Variants in ARHGEF9 observed in about 807,000 individuals in gnomAD.
ARHGEF9 encodes rho guanine nucleotide exchange factor 9.
Under a neutral mutation model 41.3 loss-of-function variants are expected in ARHGEF9, and 2 were observed. The observed-to-expected ratio is 0.05, with a 90% CI of 0.02 to 0.15. The LOEUF is 0.15. ARHGEF9 is among the 10% of genes least tolerant of loss of function. The pLI is 1.00. For synonymous variants in ARHGEF9, 160 were observed against 154.4 expected, an observed-to-expected ratio of 1.04 and a Z score of -0.27; for missense variants, 225 against 424.7, an observed-to-expected ratio of 0.53 and a Z score of 4.13.
chrX:63,704,526 T>G (rs2147496683), intron 3 of ARHGEF9, among the ~76,000 whole-genome samples: 1 of 112,071 alleles, frequency 8.9e-6, no homozygotes, highest in Non-Finnish European at 1.9e-5. Context: ...GGGGGAATTT[T>G]TTTAGCATCA....
chrX:63,647,855 T>C (rs1556318540), intron 8 of ARHGEF9, among the ~76,000 whole-genome samples: 1 of 111,431 alleles, frequency 9.0e-6, no homozygotes, highest in Non-Finnish European at 1.9e-5. Flanking sequence ...TGAATCCGTC[T>C]GGTCCTGGAC....
rs571676380 is a variant in ARHGEF9 at position 63,731,898 on chromosome X, A to C, written c.31-7187T>G. On this transcript the variant is annotated intron_variant, in intron 1 of 9. Coordinates refer to ENST00000671741, the MANE Select transcript of ARHGEF9 (RefSeq NM_001353921.2). ...TTTACATGTCAAGTGACAGACTGGA[A>C]CCATACAGATGACCTCTCAAGTCCC... The C allele has an allele frequency of 1.6e-3, 182 of 111,244 alleles. 1 individual carries two copies. The highest frequency in any genetic ancestry group is 5.7e-3 in the South Asian group (15 of 2,644). 9.2% of individuals were successfully genotyped at this position (111,244 alleles called of 1,213,427 possible).
chrX:63,753,688 C>A (rs782460456), intron 1 of ARHGEF9, among the ~76,000 whole-genome samples: 1 of 111,159 alleles, frequency 9.0e-6, no homozygotes, highest in African/African-American at 3.3e-5. Context: ...CATACTATTT[C>A]ATGATTCCAA....
At chrX:63,749,626 T>C (rs1556438423) in intron 1 of ARHGEF9, among the ~76,000 whole-genome samples, 5 of 112,297 alleles carry the variant, frequency 4.5e-5, no homozygotes. Context: ...CCCAACAATC[T>C]TGCTGACCTT....
intron 2 of ARHGEF9, among the ~76,000 whole-genome samples, chrX:63,721,038 T>C (rs1182378136): frequency 9.0e-6 from 1 of 111,495 alleles, no homozygotes; most frequent in African/African-American, 3.3e-5. Context: ...TTGTCTCAAT[T>C]TGTTTCACTC....
At chrX:63,703,745 CAGAT>C (rs1453898072) in intron 3 of ARHGEF9, among the ~76,000 whole-genome samples, 9 of 111,024 alleles carry the variant, frequency 8.1e-5, no homozygotes, top group African/African-American at 2.6e-4. Context: ...ATAAATGTAA[CAGAT>C]AGAAATAAAG....
intron 8 of ARHGEF9, among the ~76,000 whole-genome samples, chrX:63,651,857 G>C (rs1439828715): frequency 9.1e-6 from 1 of 109,841 alleles, no homozygotes; most frequent in Non-Finnish European, 1.9e-5. Context: ...AATGAGTAAA[G>C]GGTATGAGGC....
intron 3 of ARHGEF9, among the ~76,000 whole-genome samples, chrX:63,697,693 T>C (rs2051848931): frequency 9.0e-6 from 1 of 111,683 alleles, no homozygotes; most frequent in Non-Finnish European, 1.9e-5. Flanking sequence ...ACCAAAGGTC[T>C]TAATAACATT....
At chrX:63,642,491 C>G (rs2047699596) in intron 9 of ARHGEF9, 1 of 111,506 alleles carries the variant, frequency 9.0e-6, no homozygotes, top group Non-Finnish European at 1.9e-5. Flanking sequence ...TAAGGGGAAT[C>G]ACATTCGCAT....
intron 8 of ARHGEF9, among the ~76,000 whole-genome samples, chrX:63,648,588 T>G (rs1346165957): frequency 1.1e-4 from 12 of 111,382 alleles, no homozygotes; most frequent in African/African-American, 3.6e-4. Flanking sequence ...AGGATCAGAT[T>G]CACACATAAC....
intron 8 of ARHGEF9, among the ~76,000 whole-genome samples, chrX:63,648,801 C>T (rs1191566898): frequency 4.5e-5 from 5 of 111,209 alleles, no homozygotes; most frequent in Non-Finnish European, 9.4e-5. Context: ...GGTTGCAATC[C>T]TAGTCTTGGT....
chrX:63,784,738 C>T (rs1190806746), intron 1 of ARHGEF9, among the ~76,000 whole-genome samples: 1 of 110,965 alleles, frequency 9.0e-6, no homozygotes, highest in Admixed American at 9.5e-5. Context: ...CCCCCCACAA[C>T]CCCGTGCCAG....
chrX:63,724,608 A>C lies in ARHGEF9; in HGVS notation c.134T>G (p.Leu45Trp). ...AFKAGDVIKV[L>W]DASNKDWWWG... is the part of the protein sequence containing the mutation. Reference sequence around the variant, plus strand: ...CCACCAATCCTTGTTGGAAGCATCCAAGACTTTGATGACGTCGCCAGCTTT... The same window carrying C: ...CCACCAATCCTTGTTGGAAGCATCCCAGACTTTGATGACGTCGCCAGCTTT... The change falls in exon 2 of 10, where the codon TTG (leucine) becomes TGG (tryptophan). Residue 45 changes from leucine to tryptophan, a missense_variant. Around this residue, in one of 3 missense-constraint regions of ARHGEF9, gnomAD observed 114 missense variants for 197.9 expected, o/e 0.58. Transcript: ENST00000671741. 1 of 1,211,458 alleles carries C rather than the reference A, an allele frequency of 8.3e-7. No individual in the cohort carries two copies. The highest frequency in any genetic ancestry group is 1.1e-6 in the Non-Finnish European group (1 of 895,480).
intron 1 of ARHGEF9, among the ~76,000 whole-genome samples, chrX:63,730,962 A>G (rs1371778287): frequency 8.9e-6 from 1 of 112,063 alleles, no homozygotes; most frequent in Non-Finnish European, 1.9e-5. Context: ...CCTCTAGTTC[A>G]ACAGCACCAC....
chrX:63,661,095 G>A (rs2049182944), intron 7 of ARHGEF9, among the ~76,000 whole-genome samples: 1 of 112,112 alleles, frequency 8.9e-6, no homozygotes, highest in Non-Finnish European at 1.9e-5. Context: ...AAGAGACAGA[G>A]TAAAGTTAAG....
chrX:63,752,329 T>A (rs1165038773), intron 1 of ARHGEF9, among the ~76,000 whole-genome samples: 1 of 105,840 alleles, frequency 9.4e-6, no homozygotes. Context: ...AGGAAAAAAA[T>A]TGTCCAAGGT....
At chrX:63,655,458 T>C (rs2048818064) in intron 8 of ARHGEF9, 36 bp downstream of exon 8, 1 of 1,208,456 alleles carries the variant, frequency 8.3e-7, no homozygotes, top group African/African-American at 1.7e-5. Context: ...ATGTTCTTCA[T>C]AGCCATGTTC....
intron 1 of ARHGEF9, among the ~76,000 whole-genome samples, chrX:63,736,218 C>T (rs1437886059): frequency 8.9e-6 from 1 of 111,779 alleles, no homozygotes; most frequent in African/African-American, 3.3e-5. Context: ...ACCCTCAAAG[C>T]TCAGAAGGGA....
intron 9 of ARHGEF9, chrX:63,642,896 G>A (rs2047730662): frequency 8.9e-6 from 1 of 111,760 alleles, no homozygotes; most frequent in Non-Finnish European, 1.9e-5. Flanking sequence ...CCAAGCATGG[G>A]GCTTCATCAG....
Sources: allele counts gnomAD v4.1 joint callset (sites outside exome capture counted in the v4.1 genomes callset), GRCh38; gene constraint gnomAD v4.1.1; regional missense constraint gnomAD v4.1.1; transcripts MANE v1.5; gene names NCBI Gene and HGNC (gene_info 2026-07-23, HGNC 2026-07-21).